The following UNC5D variants were observed in gnomAD, a reference collection of about 807,000 sequenced individuals.
UNC5D encodes netrin receptor UNC5D.
A neutral mutation model predicts 105.4 loss-of-function variants in UNC5D; 39 were observed. The ratio of observed to expected loss-of-function variants is 0.37; its 90% CI spans 0.29 to 0.48. The LOEUF is 0.48. Among genes scored for constraint, UNC5D ranks in the 20% least tolerant of loss-of-function variants. The probability of loss-of-function intolerance (pLI) is 0.98; values close to 1 mark genes in which losing one functional copy is unlikely to be tolerated. For missense variants in UNC5D, 991 were observed against 1,202.4 expected (o/e 0.82, Z 2.60); for synonymous variants, 452 against 450.4 (o/e 1.00, Z -0.04).
intron 1 of UNC5D, among the ~76,000 whole-genome samples, chr8:35,249,606 T>TAATAATA: frequency 7.0e-6 from 1 of 142,380 alleles, no homozygotes; most frequent in Non-Finnish European, 1.5e-5. Context: ...AATAATAAAA[T>TAATAATA]AAATAAATAA....
intron 1 of UNC5D, among the ~76,000 whole-genome samples, chr8:35,280,668 T>G (rs1478916992): frequency 6.6e-6 from 1 of 152,198 alleles, no homozygotes; most frequent in Non-Finnish European, 1.5e-5. Context: ...TGATACCTCT[T>G]AAAACAAATT....
intron 1 of UNC5D, among the ~76,000 whole-genome samples, chr8:35,400,150 G>A (rs1242118592): frequency 3.3e-5 from 5 of 152,078 alleles, no homozygotes; most frequent in African/African-American, 1.2e-4. Flanking sequence ...AGCCTTGGAA[G>A]CATCTTATCC....
At chr8:35,298,476 A>C (rs1807667595) in intron 1 of UNC5D, among the ~76,000 whole-genome samples, 1 of 151,992 alleles carries the variant, frequency 6.6e-6, no homozygotes, top group South Asian at 2.1e-4. Context: ...CTCCTTTGAC[A>C]CTTTAACAAA....
intron 1 of UNC5D, among the ~76,000 whole-genome samples, chr8:35,443,696 G>A (rs1807585773): frequency 6.6e-6 from 1 of 151,926 alleles, no homozygotes; most frequent in Non-Finnish European, 1.5e-5. Context: ...ATGGTTAAAT[G>A]TACAAGACTA....
chr8:35,521,142 G>A (rs1034780632), intron 1 of UNC5D, among the ~76,000 whole-genome samples: 9 of 151,748 alleles, frequency 5.9e-5, no homozygotes, highest in African/African-American at 2.2e-4. Flanking sequence ...GAAATGTTTT[G>A]GATTAGAAAA....
At chr8:35,418,025 A>C (rs1010056554) in intron 1 of UNC5D, among the ~76,000 whole-genome samples, 1 of 152,132 alleles carries the variant, frequency 6.6e-6, no homozygotes, top group Non-Finnish European at 1.5e-5. Context: ...GGTTGAGTCC[A>C]TTCATTTCTC....
intron 6 of UNC5D, among the ~76,000 whole-genome samples, chr8:35,686,241 G>A (rs1304692015): frequency 6.6e-6 from 1 of 152,164 alleles, no homozygotes; most frequent in Non-Finnish European, 1.5e-5. Flanking sequence ...GGGCATGAAA[G>A]ACTGGGAAAG....
intron 1 of UNC5D, among the ~76,000 whole-genome samples, chr8:35,545,685 C>T (rs568845733): frequency 6.6e-6 from 1 of 152,062 alleles, no homozygotes; most frequent in Non-Finnish European, 1.5e-5. Flanking sequence ...TCACCTACCT[C>T]ATTTTTTAGA....
At chr8:35,388,347 G>A (rs1027885416) in intron 1 of UNC5D, among the ~76,000 whole-genome samples, 1 of 151,808 alleles carries the variant, frequency 6.6e-6, no homozygotes, top group Non-Finnish European at 1.5e-5. Context: ...CCTGGGTGAC[G>A]AGTGAAACCC....
Position 35,774,296 on chromosome 8 carries a change from T to C in UNC5D, c.2479-3T>C, listed in dbSNP as rs775172260. On this transcript the variant is annotated splice_region_variant and splice_polypyrimidine_tract_variant and intron_variant, in intron 15 of 16. Coordinates refer to ENST00000404895, the MANE Select transcript of UNC5D (RefSeq NM_080872.4). Reference sequence around the variant, plus strand: ...GATCATGCGTTCCTTATTTTGTTTATAGAGTGAACGAGAAACCATCACTTT... The same window carrying C: ...GATCATGCGTTCCTTATTTTGTTTACAGAGTGAACGAGAAACCATCACTTT... 3.0e-5 allele frequency: 49 copies of C among 1,613,944 alleles called. No homozygotes were observed. Among genetic ancestry groups the C allele is most frequent in the Non-Finnish European group, 3.9e-5 (46 of 1,179,956 alleles).
chr8:35,395,525 T>C (rs966562265), intron 1 of UNC5D, among the ~76,000 whole-genome samples: 4 of 152,192 alleles, frequency 2.6e-5, no homozygotes, highest in African/African-American at 9.7e-5. Flanking sequence ...CAAGTTGTCT[T>C]TTTTTAGTTA....
At chr8:35,555,328 T>C (rs1816464637) in intron 2 of UNC5D, among the ~76,000 whole-genome samples, 1 of 152,178 alleles carries the variant, frequency 6.6e-6, no homozygotes, top group Middle Eastern at 3.2e-3. Context: ...ATGAAGGCCT[T>C]GTTTCCTATA....
At chr8:35,495,362 A>C (rs1811485441) in intron 1 of UNC5D, among the ~76,000 whole-genome samples, 1 of 151,430 alleles carries the variant, frequency 6.6e-6, no homozygotes, top group African/African-American at 2.4e-5. Flanking sequence ...CAGGGTGTCC[A>C]ATCTTTTAGC....
intron 1 of UNC5D, among the ~76,000 whole-genome samples, chr8:35,327,815 T>C (rs1810289151): frequency 6.6e-6 from 1 of 152,214 alleles, no homozygotes; most frequent in Non-Finnish European, 1.5e-5. Flanking sequence ...ACAAGTACAA[T>C]GTTGCAAGAG....
chr8:35,753,012 T>C (rs973873738), intron 13 of UNC5D, among the ~76,000 whole-genome samples: 1 of 152,160 alleles, frequency 6.6e-6, no homozygotes, highest in African/African-American at 2.4e-5. Flanking sequence ...TATATAGCAG[T>C]GAGATAGACA....
At chr8:35,289,311 A>G (rs1806856076) in intron 1 of UNC5D, among the ~76,000 whole-genome samples, 1 of 152,250 alleles carries the variant, frequency 6.6e-6, no homozygotes, top group Non-Finnish European at 1.5e-5. Context: ...CAGACATAAA[A>G]GTTGTAAATA....
intron 3 of UNC5D, among the ~76,000 whole-genome samples, chr8:35,594,056 G>A (rs1819342934): frequency 6.6e-6 from 1 of 152,160 alleles, no homozygotes; most frequent in African/African-American, 2.4e-5. Flanking sequence ...CAAACGGGCT[G>A]TGGCAATTTA....
At chr8:35,482,548 C>T (rs1446557869) in intron 1 of UNC5D, among the ~76,000 whole-genome samples, 1 of 152,080 alleles carries the variant, frequency 6.6e-6, no homozygotes, top group Admixed American at 6.6e-5. Context: ...TGAAAATCCT[C>T]TTATATGGAT....
At chr8:35,242,637 C>T (rs1427378734) in intron 1 of UNC5D, among the ~76,000 whole-genome samples, 1 of 152,060 alleles carries the variant, frequency 6.6e-6, no homozygotes, top group Non-Finnish European at 1.5e-5. Context: ...ACCATTGTGC[C>T]TGGCTAATGT....
Sources: gnomAD v4.1 joint callset for allele counts (sites outside exome capture counted in the v4.1 genomes callset) on GRCh38, gnomAD v4.1.1 for gene constraint, MANE v1.5 for transcripts, NCBI Gene and HGNC (gene_info 2026-07-23, HGNC 2026-07-21) for gene names.